Variants in STYK1 observed in about 807,000 individuals in gnomAD.
STYK1 encodes tyrosine-protein kinase STYK1.
STYK1 carries 46 observed loss-of-function variants against 48.1 expected under a neutral mutation model. The ratio of observed to expected loss-of-function variants is 0.96; its 90% CI spans 0.75 to 1.22. STYK1 has a LOEUF of 1.22. Among genes scored for constraint, STYK1 ranks in the 50% most tolerant of loss-of-function variants. STYK1 has a pLI of 0.00. For missense variants in STYK1, 527 were observed against 521.1 expected, an observed-to-expected ratio of 1.01 and a Z score of -0.11; for synonymous variants, 188 against 189.0, an observed-to-expected ratio of 0.99 and a Z score of 0.04.
intron 1 of STYK1, among the ~76,000 whole-genome samples, chr12:10,656,957 T>C (rs1301616786): frequency 6.6e-6 from 1 of 152,244 alleles, no homozygotes; most frequent in Non-Finnish European, 1.5e-5. Flanking sequence ...TGGTTTGTAA[T>C]AACTAGGTAG....
At chr12:10,624,606 C>T in intron 8 of STYK1, 45 bp downstream of exon 8, 1 of 1,572,426 alleles carries the variant, frequency 6.4e-7, no homozygotes, top group Non-Finnish European at 8.7e-7. Flanking sequence ...GGACAACACC[C>T]AAGTCATGAA....
At chr12:10,647,497 T>C (rs111367875) in intron 1 of STYK1, among the ~76,000 whole-genome samples, 2,310 of 152,320 alleles carry the variant, frequency 0.015, 65 homozygotes, top group African/African-American at 0.053. Flanking sequence ...TAACTTGCTT[T>C]TGATTTTACA....
chr12:10,654,192 A>G (rs966456860), intron 1 of STYK1, among the ~76,000 whole-genome samples: 2 of 152,206 alleles, frequency 1.3e-5, no homozygotes, highest in African/African-American at 4.8e-5. Flanking sequence ...TGGTCTAAAA[A>G]AGGGTGGAAC....
At chr12:10,642,783 G>A (rs1947559408) in intron 1 of STYK1, among the ~76,000 whole-genome samples, 1 of 152,154 alleles carries the variant, frequency 6.6e-6, no homozygotes, top group Admixed American at 6.5e-5. Context: ...ATCATGTTGA[G>A]AAAGAGAGAT....
At chr12:10,627,248 G>T (rs1565559896) in intron 7 of STYK1, among the ~76,000 whole-genome samples, 1 of 152,070 alleles carries the variant, frequency 6.6e-6, no homozygotes, top group African/African-American at 2.4e-5. Flanking sequence ...CACCCATTCA[G>T]TTTCTCTTTC....
chr12:10,667,106 C>T (rs1019704018), intron 1 of STYK1, among the ~76,000 whole-genome samples: 3 of 152,126 alleles, frequency 2.0e-5, no homozygotes, highest in African/African-American at 7.2e-5. Flanking sequence ...TTCCTATATA[C>T]TGTTATCTAA....
At chr12:10,665,769 C>G (rs1486323179) in intron 1 of STYK1, among the ~76,000 whole-genome samples, 1 of 152,190 alleles carries the variant, frequency 6.6e-6, no homozygotes, top group East Asian at 1.9e-4. Context: ...CTAATTAATA[C>G]TCTGCTTCTT....
chr12:10,640,318 G>A (rs1947529812), intron 1 of STYK1, among the ~76,000 whole-genome samples: 1 of 152,152 alleles, frequency 6.6e-6, no homozygotes, highest in African/African-American at 2.4e-5. Context: ...ACAAACCAGT[G>A]AGAGGACACA....
rs142827269 is a variant in STYK1, at chr12:10,648,997, C to T, written c.-194-11801G>A. 7.7e-3 allele frequency among the ~76,000 whole-genome samples: 1,176 copies of T among 152,246 alleles called. 22 individuals carry two copies. The highest frequency in any genetic ancestry group is 0.012 in the Non-Finnish European group (803 of 68,018). Reference sequence around the variant, plus strand: ...ACTTGGCACTATGAAAATTGAGAGCCTGAATGGCATTCATAATTTTGACTC... The same window carrying T: ...ACTTGGCACTATGAAAATTGAGAGCTTGAATGGCATTCATAATTTTGACTC... On this transcript the variant is annotated intron_variant, in intron 1 of 10. Transcript: ENST00000075503.
intron 1 of STYK1, among the ~76,000 whole-genome samples, chr12:10,671,756 A>G (rs1947893899): frequency 6.6e-6 from 1 of 152,262 alleles, no homozygotes; most frequent in African/African-American, 2.4e-5. Flanking sequence ...GCAGAATCAC[A>G]TAACTCCTGG....
chr12:10,663,300 G>C (rs1947796854), intron 1 of STYK1, among the ~76,000 whole-genome samples: 1 of 152,058 alleles, frequency 6.6e-6, no homozygotes, highest in Non-Finnish European at 1.5e-5. Flanking sequence ...GACTACTGTA[G>C]ATTTGTAGTA....
intron 1 of STYK1, among the ~76,000 whole-genome samples, chr12:10,663,591 T>A (rs1947800982): frequency 2.2e-5 from 2 of 89,640 alleles, no homozygotes. Context: ...AGAACGAGAC[T>A]CTGTCTCAAA....
At position 10,651,409 on chromosome 12, in the gene STYK1, G is replaced by A. The variant is rs1947661446; in HGVS notation, c.-194-14213C>T. On this transcript the variant is annotated intron_variant, in intron 1 of 10. Transcript: ENST00000075503. ...GTTATAATTAGTTTTGTACTCTTAA[G>A]CAAATTACTTAATCTCTCCTAATGC... Among the ~76,000 whole-genome samples the A allele has an allele frequency of 2.0e-5, 3 of 152,180 alleles. No individual in the cohort carries two copies. In the South Asian group the frequency reaches 6.2e-4, roughly 32 times the overall value.
intron 5 of STYK1, among the ~76,000 whole-genome samples, 164 bp from the exon 6 acceptor site, chr12:10,629,838 T>C (rs1403460448): frequency 6.6e-6 from 1 of 152,212 alleles, no homozygotes; most frequent in African/African-American, 2.4e-5. Flanking sequence ...AAGATGATGC[T>C]TAATGTCACT....
chr12:10,638,092 T>A (rs1367297845), intron 1 of STYK1, among the ~76,000 whole-genome samples: 1 of 152,250 alleles, frequency 6.6e-6, no homozygotes. Context: ...CTATTTAATG[T>A]TATGAATAAT....
At chr12:10,640,934 C>T (rs937879729) in intron 1 of STYK1, among the ~76,000 whole-genome samples, 1 of 152,160 alleles carries the variant, frequency 6.6e-6, no homozygotes, top group Non-Finnish European at 1.5e-5. Flanking sequence ...ATTTTATTTC[C>T]TTTGAGGTAT....
At position 10,633,995 on chromosome 12, in the gene STYK1, G is replaced by A; in HGVS notation, c.182C>T (p.Pro61Leu). The A allele has an allele frequency of 6.2e-7, 1 of 1,613,502 alleles. No homozygotes were observed. Among genetic ancestry groups the A allele is most frequent in the Non-Finnish European group, 8.5e-7 (1 of 1,179,876 alleles). The change falls in exon 4 of 11, where the codon CCT (proline) becomes CTT (leucine). Residue 61 changes from proline to leucine, a missense_variant. Coordinates refer to ENST00000075503, the MANE Select transcript of STYK1 (RefSeq NM_018423.3). Reference sequence around the variant, plus strand: ...CCCCAAAGTTTGAGCTTTACCTTGAGGTCCAGAACGCTGCTGTTGAGTTCT... The same window carrying A: ...CCCCAAAGTTTGAGCTTTACCTTGAAGTCCAGAACGCTGCTGTTGAGTTCT... ...EQRTQQQRSG[P>L]QGIAPVPPPR... is the part of the protein sequence containing the mutation.
In STYK1 at chr12:10,627,673, A is replaced by G. The variant is rs1565560151; in HGVS notation, c.685T>C (p.Tyr229His). The G allele has an allele frequency of 5.6e-6, 9 of 1,613,838 alleles. No individual in the cohort carries two copies. Among genetic ancestry groups the G allele is most frequent in the South Asian group, 3.3e-5 (3 of 91,020 alleles). The change falls in exon 7 of 11, where the codon TAT (tyrosine) becomes CAT (histidine). Residue 229 changes from tyrosine (Y) to histidine (H), a missense_variant. Physicochemically the swap from Tyr to His is moderately conservative, Grantham distance 83. Transcript: ENST00000075503. The stretch of plus-strand genomic sequence containing the variant: ...AAAAGGACCTGCTTTCCGATGTGAT[A>G]TACTTGTTTTTCTGTGAGATCATAG... ...LLYDLTEKQV[Y>H]HIGKQVLLAL...
At chr12:10,663,741 G>GA (rs71051521) in intron 1 of STYK1, among the ~76,000 whole-genome samples, 80,398 of 144,842 alleles carry the variant, frequency 0.56, 22,703 homozygotes, top group East Asian at 0.8. Context: ...GACCATTTCG[G>GA]AAAAAAAAAA....
Sources: allele counts gnomAD v4.1 joint callset (sites outside exome capture counted in the v4.1 genomes callset), GRCh38; gene constraint gnomAD v4.1.1; transcripts MANE v1.5; gene names NCBI Gene and HGNC (gene_info 2026-07-23, HGNC 2026-07-21).